The following GNG2 variants were observed in gnomAD, a reference collection of about 807,000 sequenced individuals.
GNG2 encodes the protein guanine nucleotide-binding protein G(I)/G(S)/G(O) subunit gamma-2.
Under a neutral mutation model 5.5 loss-of-function variants are expected in GNG2, and 5 were observed. That is an observed-to-expected ratio of 0.91 (90% CI 0.48 to 1.92). GNG2 has a LOEUF of 1.92. Among genes scored for constraint, GNG2 ranks in the 30% most tolerant of loss-of-function variants. GNG2 has a pLI of 0.01. For missense variants in GNG2, 55 were observed against 88.4 expected (o/e 0.62, Z 1.52); for synonymous variants, 28 against 32.0 (o/e 0.88, Z 0.42).
intron 2 of GNG2, among the ~76,000 whole-genome samples, chr14:51,942,414 T>C (rs149986060): frequency 2.2e-3 from 338 of 152,152 alleles, no homozygotes; most frequent in Middle Eastern, 0.014. Context: ...CCCCCAGTTA[T>C]TGTCATAGCC....
chr14:51,852,502 TG>T (rs879929046), intron 2 of GNG2, among the ~76,000 whole-genome samples: 23 of 152,358 alleles, frequency 1.5e-4, no homozygotes, highest in Admixed American at 1.5e-3. Flanking sequence ...TAATACAATG[TG>T]ATAAGAGCTA....
rs1243184004 is a variant in GNG2 at position 51,877,590 on chromosome 14, T to A, written c.-70-27T>A. 3 of 455,702 alleles carry A rather than the reference T, an allele frequency of 6.6e-6. No homozygotes were observed. The Admixed American group carries it at 7.1e-5, about 11-fold the overall frequency. The allele number at this position is 455,702 out of a possible 1,614,324, so 28.2% of individuals were successfully genotyped here. On this transcript the variant is annotated intron_variant, in intron 1 of 3. Coordinates refer to ENST00000556766, the MANE Select transcript of GNG2 (RefSeq NM_053064.5). ...CATGTTATTTTTCCTTTTAAAAAAT[T>A]CGTTTTTCTCTCTGCTTTCTCAACA...
At chr14:51,940,831 A>C (rs1206113269) in intron 2 of GNG2, among the ~76,000 whole-genome samples, 2 of 151,708 alleles carry the variant, frequency 1.3e-5, no homozygotes, top group Non-Finnish European at 2.9e-5. Flanking sequence ...CAATAGAAAA[A>C]GGTGCCTGAC....
At chr14:51,941,969 A>G (rs903458396) in intron 2 of GNG2, among the ~76,000 whole-genome samples, 2 of 152,194 alleles carry the variant, frequency 1.3e-5, no homozygotes, top group African/African-American at 4.8e-5. Context: ...TCTCTTATAC[A>G]CAATTCCTAT....
chr14:51,939,731 G>C (rs769943392), intron 2 of GNG2: 1 of 151,964 alleles, frequency 6.6e-6, no homozygotes, highest in Non-Finnish European at 1.5e-5. Context: ...TTGGTTGTTG[G>C]GGTTTCCACA....
At chr14:51,862,554 C>T (rs1215091711) in intron 1 of GNG2, among the ~76,000 whole-genome samples, 1 of 152,236 alleles carries the variant, frequency 6.6e-6, no homozygotes, top group African/African-American at 2.4e-5. Flanking sequence ...GGTACTTACT[C>T]CTCTGCAGGC....
intron 2 of GNG2, among the ~76,000 whole-genome samples, chr14:51,878,348 A>G (rs1171643541): frequency 6.6e-6 from 1 of 152,180 alleles, no homozygotes; most frequent in Non-Finnish European, 1.5e-5. Context: ...CAAAGTAGAG[A>G]GAATAATATA....
At chr14:51,840,236 C>T (rs961451958) in intron 2 of GNG2, among the ~76,000 whole-genome samples, 2 of 152,160 alleles carry the variant, frequency 1.3e-5, no homozygotes, top group Non-Finnish European at 2.9e-5. Flanking sequence ...TTTGTCTTCT[C>T]CTTTACTCCC....
At chr14:51,844,794 T>C (rs968242927) in intron 2 of GNG2, among the ~76,000 whole-genome samples, 3 of 152,168 alleles carry the variant, frequency 2.0e-5, no homozygotes, top group African/African-American at 4.8e-5. Flanking sequence ...GGCATGATCT[T>C]GGCTCACTGC....
chr14:51,946,190 A>G (rs1327129229), intron 2 of GNG2, among the ~76,000 whole-genome samples: 1 of 152,242 alleles, frequency 6.6e-6, no homozygotes, highest in Non-Finnish European at 1.5e-5. Flanking sequence ...AATGAGCTTC[A>G]GAAAATTATG....
At chr14:51,845,799 G>A in intron 2 of GNG2, among the ~76,000 whole-genome samples, 1 of 152,244 alleles carries the variant, frequency 6.6e-6, no homozygotes, top group South Asian at 2.1e-4. Flanking sequence ...TTTTTACCCT[G>A]CGTGCCACCT....
At chr14:51,947,406 G>T (rs1888704625) in intron 2 of GNG2, among the ~76,000 whole-genome samples, 1 of 152,184 alleles carries the variant, frequency 6.6e-6, no homozygotes, top group South Asian at 2.1e-4. Context: ...AGTGGAAGGG[G>T]TGGGCAGAAG....
In GNG2 at chr14:51,932,613, G is replaced by C. The variant is rs139095383; in HGVS notation, c.-29-18037G>C. Among the ~76,000 whole-genome samples, 763 of 152,272 alleles carry C rather than the reference G, an allele frequency of 5.0e-3. 6 individuals carry two copies. Among genetic ancestry groups the C allele is most frequent in the African/African-American group, 0.017 (708 of 41,540 alleles). ...CACTCCAGCCTGGGGGACAGAGGGA[G>C]ACTCTGTCTCTAAAATAAATTAATA... On this transcript the variant is annotated intron_variant, in intron 2 of 3. Coordinates refer to ENST00000556766, the MANE Select transcript of GNG2 (RefSeq NM_053064.5).
At chr14:51,932,651 T>C (rs947087739) in intron 2 of GNG2, among the ~76,000 whole-genome samples, 7 of 151,828 alleles carry the variant, frequency 4.6e-5, no homozygotes, top group African/African-American at 1.7e-4. Context: ...ATAAAAATAA[T>C]TGTGGTTGGT....
chr14:51,905,793 C>A (rs1486554506), intron 2 of GNG2, among the ~76,000 whole-genome samples: 1 of 152,202 alleles, frequency 6.6e-6, no homozygotes, highest in African/African-American at 2.4e-5. Flanking sequence ...GTTATGATAG[C>A]TAGTGAGTTC....
chr14:51,854,988 C>G (rs1278885033), intron 2 of GNG2, among the ~76,000 whole-genome samples: 1 of 152,178 alleles, frequency 6.6e-6, no homozygotes, highest in Non-Finnish European at 1.5e-5. Context: ...GCCTCCTTAC[C>G]CATCCCCTTC....
chr14:51,898,827 T>A (rs991103743), intron 2 of GNG2, among the ~76,000 whole-genome samples: 1 of 152,194 alleles, frequency 6.6e-6, no homozygotes, highest in African/African-American at 2.4e-5. Context: ...TTGGGTATTG[T>A]CAATTCTCCC....
intron 1 of GNG2, among the ~76,000 whole-genome samples, chr14:51,868,180 G>T (rs757064050): frequency 1.2e-4 from 19 of 152,310 alleles, no homozygotes; most frequent in Non-Finnish European, 2.5e-4. Context: ...CCATGTGCTC[G>T]TCAAGATGCC....
At chr14:51,963,999 C>T (rs1889760169) in intron 3 of GNG2, among the ~76,000 whole-genome samples, 1 of 152,100 alleles carries the variant, frequency 6.6e-6, no homozygotes, top group African/African-American at 2.4e-5. Flanking sequence ...TGTGGCCTTA[C>T]TTGGAAATAG....
Sources: gnomAD v4.1 joint callset for allele counts (sites outside exome capture counted in the v4.1 genomes callset) on GRCh38, gnomAD v4.1.1 for gene constraint, MANE v1.5 for transcripts, NCBI Gene and HGNC (gene_info 2026-07-23, HGNC 2026-07-21) for gene names.